CDK15: variants seen among roughly 807,000 people sequenced by gnomAD.
CDK15 encodes the protein cyclin dependent kinase 15, also known as cyclin-dependent kinase 15.
Under a neutral mutation model 60.3 loss-of-function variants are expected in CDK15, and 62 were observed. The observed-to-expected ratio is 1.03, with a 90% CI of 0.84 to 1.27. CDK15 has a LOEUF of 1.27. Among genes scored for constraint, CDK15 ranks in the 50% most tolerant of loss-of-function variants. The pLI is 0.00. For missense variants in CDK15, 541 were observed against 527.8 expected (o/e 1.03, Z -0.25); for synonymous variants, 194 against 195.7 (o/e 0.99, Z 0.07).
chr2:201,868,706 A>C (rs1698734243), intron 10 of CDK15, among the ~76,000 whole-genome samples: 2 of 152,330 alleles, frequency 1.3e-5, no homozygotes, highest in Middle Eastern at 3.4e-3. Flanking sequence ...AAACCATCAA[A>C]AAGTAGGCAA....
At chr2:201,871,901 C>T (rs1018707979) in intron 10 of CDK15, among the ~76,000 whole-genome samples, 4 of 152,034 alleles carry the variant, frequency 2.6e-5, no homozygotes, top group African/African-American at 4.8e-5. Flanking sequence ...TGACGCACGT[C>T]TATTTCTGGG....
At chr2:201,852,373 A>G (rs1476751380) in intron 9 of CDK15, among the ~76,000 whole-genome samples, 1 of 152,210 alleles carries the variant, frequency 6.6e-6, no homozygotes, top group Non-Finnish European at 1.5e-5. Flanking sequence ...TCTCACTCTT[A>G]GGAATAAAAA....
intron 6 of CDK15, chr2:201,824,798 A>T (rs7605429): frequency 0.38 from 253,681 of 670,032 alleles, 53,989 homozygotes; most frequent in East Asian, 0.49. Context: ...AATGTGAAAC[A>T]CCCTCAGCCA....
At chr2:201,843,526 CA>C (rs1697497015) in intron 8 of CDK15, among the ~76,000 whole-genome samples, 1 of 152,140 alleles carries the variant, frequency 6.6e-6, no homozygotes, top group South Asian at 2.1e-4. Flanking sequence ...GTTATCAATG[CA>C]TTGATATTTA....
chr2:201,846,506 AT>A (rs1697673948), intron 8 of CDK15, among the ~76,000 whole-genome samples: 1 of 149,356 alleles, frequency 6.7e-6, no homozygotes, highest in Admixed American at 6.6e-5. Context: ...AAAAAAAAAA[AT>A]TGCAGAATTG....
chr2:201,822,872 A>G lies in CDK15; in HGVS notation c.512A>G (p.Lys171Arg), dbSNP rs1696294748. 1 of 1,612,460 alleles carries G rather than the reference A, an allele frequency of 6.2e-7. No homozygotes were observed. The highest frequency in any genetic ancestry group is 8.5e-7 in the Non-Finnish European group (1 of 1,178,578). The change falls in exon 5 of 14, where the codon AAA becomes AGA. Residue 171 changes from lysine (K) to arginine (R), a missense_variant. Coordinates refer to ENST00000652192, the MANE Select transcript of CDK15 (RefSeq NM_001366386.2). ...IVLLHDIIHTKETLTFVFEYM... is the reference protein window; with the variant it reads ...IVLLHDIIHTRETLTFVFEYM... ...CTCCTGCATGACATAATCCACACCA[A>G]AGAGACACTGACATTCGTTTTTGAA...
intron 10 of CDK15, among the ~76,000 whole-genome samples, chr2:201,857,961 T>C (rs187621304): frequency 6.6e-6 from 1 of 152,122 alleles, no homozygotes; most frequent in Non-Finnish European, 1.5e-5. Context: ...TCAGCAGCAT[T>C]CTGGATGAGC....
intron 3 of CDK15, among the ~76,000 whole-genome samples, chr2:201,810,391 GAAAGCGA>G (rs1695703011): frequency 6.6e-6 from 1 of 150,920 alleles, no homozygotes; most frequent in Admixed American, 6.6e-5. Context: ...AAAAGAAGAT[GAAAGCGA>G]AAAGCCAACC....
At chr2:201,848,556 C>A (rs377025633) in intron 9 of CDK15, among the ~76,000 whole-genome samples, 2 of 152,126 alleles carry the variant, frequency 1.3e-5, no homozygotes, top group African/African-American at 4.8e-5. Flanking sequence ...ATCTTCCCTC[C>A]CCACACTCCC....
At chr2:201,828,353 A>G (rs1299003116) in intron 6 of CDK15, among the ~76,000 whole-genome samples, 1 of 152,120 alleles carries the variant, frequency 6.6e-6, no homozygotes, top group Non-Finnish European at 1.5e-5. Flanking sequence ...AGGAGGACTG[A>G]TGATGAGACT....
At chr2:201,827,023 C>A (rs1039522324) in intron 6 of CDK15, among the ~76,000 whole-genome samples, 2 of 152,190 alleles carry the variant, frequency 1.3e-5, no homozygotes, top group African/African-American at 4.8e-5. Context: ...AGTTAAAATT[C>A]TTTCCCACTA....
chr2:201,891,154 A>G (rs570165654), intron 13 of CDK15, among the ~76,000 whole-genome samples: 13 of 152,208 alleles, frequency 8.5e-5, no homozygotes, highest in Admixed American at 4.6e-4. Flanking sequence ...GAGCAGGGAT[A>G]AAGCTCCTAA....
At chr2:201,884,191 T>TTC (rs141990706) in intron 12 of CDK15, among the ~76,000 whole-genome samples, 6 of 151,178 alleles carry the variant, frequency 4.0e-5, no homozygotes, top group Non-Finnish European at 7.4e-5. Flanking sequence ...CTGTCTCTCT[T>TTC]TCTCTCTCTC....
intron 10 of CDK15, among the ~76,000 whole-genome samples, chr2:201,859,611 T>C (rs1013879531): frequency 6.6e-6 from 1 of 152,162 alleles, no homozygotes; most frequent in Non-Finnish European, 1.5e-5. Flanking sequence ...GCCAGTACAA[T>C]TTGAGGGAGC....
rs1358005443 is a variant in CDK15 at position 201,854,909 on chromosome 2, A to T, written c.981A>T (p.Gly327=). 1 of 1,614,064 alleles carries T rather than the reference A, an allele frequency of 6.2e-7. No individual in the cohort carries two copies. The highest frequency in any genetic ancestry group is 1.3e-5 in the African/African-American group (1 of 75,018). Residue 327 remains glycine (G), a synonymous_variant, in exon 10 of 14, where the codon GGA becomes GGT. Coordinates refer to ENST00000652192, the MANE Select transcript of CDK15 (RefSeq NM_001366386.2). ...TCCCTACAGAGGATACTTGGCCGGG[A>T]GTCTCCAAGCTACCTAACTACAATC... The part of the protein sequence containing the change: ...LGVPTEDTWP[G]VSKLPNYNPE...
chr2:201,865,331 G>A (rs1322494668), intron 10 of CDK15, among the ~76,000 whole-genome samples: 1 of 152,134 alleles, frequency 6.6e-6, no homozygotes, highest in Non-Finnish European at 1.5e-5. Flanking sequence ...TAAGAGAGGG[G>A]AGAGTCCTGA....
In CDK15 at chr2:201,833,983, CT is replaced by C. The variant is rs1205096058; in HGVS notation, c.730+13del. ...ACTGGCTGATTTTGGTAAGTCGCCC[CT>C]CGGGTCTCATTCTGGGCTGTGAACA... On this transcript the variant is annotated intron_variant, in intron 7 of 13. Coordinates refer to ENST00000652192, the MANE Select transcript of CDK15 (RefSeq NM_001366386.2). The C allele has an allele frequency of 6.8e-6, 11 of 1,612,654 alleles. No homozygotes were observed. The highest frequency in any genetic ancestry group is 9.3e-6 in the Non-Finnish European group (11 of 1,179,322).
At chr2:201,869,577 T>G (rs1364135823) in intron 10 of CDK15, among the ~76,000 whole-genome samples, 3 of 151,382 alleles carry the variant, frequency 2.0e-5, no homozygotes, top group Non-Finnish European at 4.4e-5. Context: ...GAAAGAAAAC[T>G]GAGGGTTGCC....
intron 10 of CDK15, among the ~76,000 whole-genome samples, chr2:201,865,747 A>G (rs977627247): frequency 6.6e-6 from 1 of 151,886 alleles, no homozygotes; most frequent in African/African-American, 2.4e-5. Context: ...AAAATTAGCC[A>G]GGTGTGGTGG....
Sources: gnomAD v4.1 joint callset for allele counts (sites outside exome capture counted in the v4.1 genomes callset) on GRCh38, gnomAD v4.1.1 for gene constraint, MANE v1.5 for transcripts, NCBI Gene and HGNC (gene_info 2026-07-23, HGNC 2026-07-21) for gene names.